The following DOCK10 variants were observed in gnomAD, a reference collection of about 807,000 sequenced individuals.
DOCK10 encodes dedicator of cytokinesis 10, also known as dedicator of cytokinesis protein 10.
DOCK10 carries 145 observed loss-of-function variants against 280.1 expected under a neutral mutation model. That is an observed-to-expected ratio of 0.52 (90% CI 0.45 to 0.59). The LOEUF (loss-of-function observed/expected upper bound fraction) is 0.59. Ranked by LOEUF, DOCK10 falls within the 20% of genes least tolerant of loss-of-function variation. The probability of loss-of-function intolerance (pLI) is 0.00; values close to 1 mark genes in which losing one functional copy is unlikely to be tolerated. For synonymous variants in DOCK10, 915 were observed against 942.2 expected (o/e 0.97, Z 0.53); for missense variants, 2,368 against 2,651.7 (o/e 0.89, Z 2.35).
At chr2:224,992,153 A>C (rs1706144380) in intron 1 of DOCK10, among the ~76,000 whole-genome samples, 1 of 152,112 alleles carries the variant, frequency 6.6e-6, no homozygotes, top group Non-Finnish European at 1.5e-5. Flanking sequence ...AGCTATGTGA[A>C]AAATATTTTT....
chr2:224,873,594 C>CAA (rs35401247), intron 11 of DOCK10, among the ~76,000 whole-genome samples: 5,579 of 33,064 alleles, frequency 0.17, 964 homozygotes, highest in African/African-American at 0.32. Context: ...AAGACCATCT[C>CAA]AAAAAAAAAA....
intron 29 of DOCK10, among the ~76,000 whole-genome samples, chr2:224,818,783 TG>T (rs1418242042): frequency 3.3e-5 from 5 of 152,252 alleles, no homozygotes. Context: ...AATTCCCTTT[TG>T]CTCAAATTGG....
chr2:224,793,105 C>T (rs370045195), intron 46 of DOCK10, 33 bp from the exon 47 acceptor site: 17 of 1,447,020 alleles, frequency 1.2e-5, no homozygotes, highest in Middle Eastern at 3.5e-4. Context: ...TAGGACATTG[C>T]TACATGTTTA....
chr2:225,011,252 T>C (rs1381537657), intron 1 of DOCK10, among the ~76,000 whole-genome samples: 1 of 152,134 alleles, frequency 6.6e-6, no homozygotes, highest in Non-Finnish European at 1.5e-5. Context: ...CTTACGGCTT[T>C]TCAGGTAGGT....
At chr2:224,973,694 G>GTGTT (rs1705229245) in intron 1 of DOCK10, among the ~76,000 whole-genome samples, 1 of 152,088 alleles carries the variant, frequency 6.6e-6, no homozygotes, top group East Asian at 1.9e-4. Context: ...CTAAGTTCGT[G>GTGTT]GTCATTTATT....
At chr2:224,875,004 C>T (rs1698532733) in intron 8 of DOCK10, among the ~76,000 whole-genome samples, 1 of 152,190 alleles carries the variant, frequency 6.6e-6, no homozygotes, top group Non-Finnish European at 1.5e-5. Flanking sequence ...TGGATTTTTA[C>T]ACTACATTTA....
Position 224,765,820 on chromosome 2 carries a change from G to A in DOCK10, c.6462C>T (p.Asp2154=), listed in dbSNP as rs1690049146. 1.9e-6 allele frequency: 3 copies of A among 1,613,620 alleles called. 1 individual carries two copies. In the East Asian group the frequency reaches 6.7e-5, roughly 36 times the overall value. The change falls in exon 56 of 56, where the codon GAC becomes GAT. Residue 2154 remains aspartate (D), a synonymous_variant. Coordinates refer to ENST00000258390, the MANE Select transcript of DOCK10 (RefSeq NM_014689.3). ...VMNEQITGRD[D]LSKRGVDQTC... The stretch of plus-strand genomic sequence containing the variant: ...TTTGGTCCACTCCGCGCTTTGACAG[G>A]TCGTCCCTGCCCGTAATCTTAAAAC...
intron 1 of DOCK10, among the ~76,000 whole-genome samples, chr2:225,037,824 T>A (rs774049538): frequency 1.3e-5 from 2 of 152,226 alleles, no homozygotes; most frequent in Non-Finnish European, 2.9e-5. Flanking sequence ...CTTTCAGCCT[T>A]TGATCCTTCT....
At position 224,796,992 on chromosome 2, in the gene DOCK10, T is replaced by C. The variant is rs1692625410; in HGVS notation, c.4799A>G (p.Gln1600Arg). The change falls in exon 43 of 56, where the codon CAG becomes CGG. Residue 1600 changes from glutamine (Q) to arginine (R), a missense_variant. Coordinates refer to ENST00000258390, the MANE Select transcript of DOCK10 (RefSeq NM_014689.3). ...FMRKNFEFNKQKSIVRSHLQL... is the reference protein window; with the variant it reads ...FMRKNFEFNKRKSIVRSHLQL... ...TAAGTGGGACCGGACAATTGACTTC[T>C]GCTTGTTAAATTCAAAATTCTTCCT... 6.2e-7 allele frequency: 1 copy of C among 1,613,304 alleles called. No individual in the cohort carries two copies. Among genetic ancestry groups the C allele is most frequent in the Non-Finnish European group, 8.5e-7 (1 of 1,179,602 alleles).
chr2:224,776,010 CA>C (rs755602458), intron 51 of DOCK10, among the ~76,000 whole-genome samples: 1 of 141,612 alleles, frequency 7.1e-6, no homozygotes, highest in Non-Finnish European at 1.5e-5. Context: ...TCATCCCATG[CA>C]TTTTTTTTTT....
At chr2:224,875,114 A>T (rs2125690564) in intron 8 of DOCK10, among the ~76,000 whole-genome samples, 1 of 152,328 alleles carries the variant, frequency 6.6e-6, no homozygotes, top group African/African-American at 2.4e-5. Flanking sequence ...ATCAATTTAG[A>T]ATCCACCTTC....
intron 28 of DOCK10, among the ~76,000 whole-genome samples, chr2:224,822,638 G>C (rs1192971368): frequency 6.6e-6 from 1 of 152,140 alleles, no homozygotes; most frequent in Non-Finnish European, 1.5e-5. Flanking sequence ...CCTGAGCCCA[G>C]GGAGGTTGAG....
At chr2:224,936,796 T>G (rs932152250) in intron 1 of DOCK10, among the ~76,000 whole-genome samples, 3 of 152,128 alleles carry the variant, frequency 2.0e-5, no homozygotes, top group Non-Finnish European at 4.4e-5. Context: ...ACAATGAACA[T>G]GTATTGCTTT....
At chr2:225,019,086 T>G (rs1446375573) in intron 1 of DOCK10, among the ~76,000 whole-genome samples, 2 of 152,104 alleles carry the variant, frequency 1.3e-5, no homozygotes, top group Non-Finnish European at 2.9e-5. Flanking sequence ...TTTCTAAACC[T>G]TTATTTTTGA....
At chr2:224,822,048 G>T (rs770937621) in intron 28 of DOCK10, among the ~76,000 whole-genome samples, 4 of 151,830 alleles carry the variant, frequency 2.6e-5, no homozygotes, top group Non-Finnish European at 5.9e-5. Flanking sequence ...GACAAGTTGG[G>T]CCCATTTTCC....
intron 41 of DOCK10, among the ~76,000 whole-genome samples, chr2:224,798,398 C>T (rs1001840940): frequency 9.9e-5 from 15 of 151,902 alleles, no homozygotes; most frequent in Admixed American, 7.9e-4. Flanking sequence ...GATGCAATGG[C>T]GAGTTGGGTG....
intron 55 of DOCK10, among the ~76,000 whole-genome samples, chr2:224,769,532 G>A (rs558660378): frequency 1.7e-3 from 260 of 152,332 alleles, no homozygotes; most frequent in Non-Finnish European, 2.5e-3. Flanking sequence ...CAGGTAGAGT[G>A]TGGGGGTATG....
At chr2:224,834,905 A>G (rs1310847174) in intron 25 of DOCK10, among the ~76,000 whole-genome samples, 6 of 152,224 alleles carry the variant, frequency 3.9e-5, no homozygotes, top group African/African-American at 1.4e-4. Flanking sequence ...GCACATACAT[A>G]AAGTTCAAAT....
chr2:224,892,397 C>CAAAAAAAAAAAAAAAAAAAAAAAAA (rs1174651393), intron 4 of DOCK10, among the ~76,000 whole-genome samples: 1 of 52,254 alleles, frequency 1.9e-5, no homozygotes, highest in African/African-American at 7.7e-5. Flanking sequence ...GACCCTGTCT[C>CAAAAAAAAAAAAAAAAAAAAAAAAA]AAAAAAAAAA....
Sources: gnomAD v4.1 joint callset for allele counts (sites outside exome capture counted in the v4.1 genomes callset) on GRCh38, gnomAD v4.1.1 for gene constraint, MANE v1.5 for transcripts, NCBI Gene and HGNC (gene_info 2026-07-23, HGNC 2026-07-21) for gene names.